The following ASIC5 variants were observed in gnomAD, a reference collection of about 807,000 sequenced individuals.
ASIC5 encodes the protein acid sensing ion channel subunit family member 5.
Under a neutral mutation model 51.2 loss-of-function variants are expected in ASIC5, and 52 were observed. The ratio of observed to expected loss-of-function variants is 1.02; its 90% CI spans 0.81 to 1.28. ASIC5 has a LOEUF of 1.28. Ranked by LOEUF, ASIC5 falls within the 50% of genes most tolerant of loss-of-function variation. The pLI is 0.00. For missense variants in ASIC5, 635 were observed against 595.0 expected (o/e 1.07, Z -0.70); for synonymous variants, 231 against 200.7 (o/e 1.15, Z -1.28).
At chr4:155,861,326 T>A (rs1741700409) in intron 2 of ASIC5, among the ~76,000 whole-genome samples, 1 of 151,960 alleles carries the variant, frequency 6.6e-6, no homozygotes, top group South Asian at 2.1e-4. Context: ...TTATTCTCTG[T>A]CAAGTTGTTC....
Position 155,836,830 on chromosome 4 carries a change from G to A in ASIC5, c.1094C>T (p.Thr365Ile), listed in dbSNP as rs774384899. The A allele has an allele frequency of 4.4e-6, 7 of 1,603,594 alleles. No homozygotes were observed. The East Asian group carries it at 1.3e-4, about 31-fold the overall frequency. The change falls in exon 8 of 10, where the codon ACA becomes ATA. Residue 365 changes from threonine to isoleucine, a missense_variant. Transcript: ENST00000537611. ...GCAGCTAGAGTTATGTGTTCCTACT[G>A]TACATAAATCCTTAAATTCAATGTG... is the stretch of plus-strand genomic sequence containing the variant. ...LDHIEFKDLCTVGTHNSSCPV... is the reference protein window; with the variant it reads ...LDHIEFKDLCIVGTHNSSCPV...
In ASIC5 at chr4:155,854,104, C is replaced by A; in HGVS notation, c.558G>T (p.Glu186Asp). 6.2e-7 allele frequency: 1 copy of A among 1,612,584 alleles called. No individual in the cohort carries two copies. Among genetic ancestry groups the A allele is most frequent in the Non-Finnish European group, 8.5e-7 (1 of 1,179,276 alleles). ...TTGGGCTACATGGCTTTCCAAAAAA[C>A]TCACAGTCCAACAAAGTGCTATTGT... ...YLNNSTLLDCEFFGKPCSPKD... is the reference protein window; with the variant it reads ...YLNNSTLLDCDFFGKPCSPKD... Residue 186 changes from glutamate to aspartate, a missense_variant, in exon 3 of 10, where the codon GAG (glutamate) becomes GAT (aspartate). Glu to Asp is a conservative substitution (Grantham distance 45). Coordinates refer to ENST00000537611, the MANE Select transcript of ASIC5 (RefSeq NM_017419.3).
chr4:155,859,277 T>A (rs994997977), intron 2 of ASIC5, among the ~76,000 whole-genome samples: 5 of 152,110 alleles, frequency 3.3e-5, no homozygotes, highest in Non-Finnish European at 5.9e-5. Context: ...CATTACTTTT[T>A]CTTATTTTTG....
At chr4:155,831,265 G>A (rs1442394620) in intron 9 of ASIC5, among the ~76,000 whole-genome samples, 1 of 152,072 alleles carries the variant, frequency 6.6e-6, no homozygotes, top group African/African-American at 2.4e-5. Flanking sequence ...GGGATCTAAT[G>A]GTAAAGTTTG....
chr4:155,855,603 T>G (rs1436471478), intron 2 of ASIC5, among the ~76,000 whole-genome samples: 1 of 151,640 alleles, frequency 6.6e-6, no homozygotes, highest in Non-Finnish European at 1.5e-5. Flanking sequence ...CCACTCTTGG[T>G]AAGTATATGG....
intron 4 of ASIC5, among the ~76,000 whole-genome samples, chr4:155,851,354 T>G (rs986375404): frequency 3.9e-5 from 6 of 151,996 alleles, no homozygotes; most frequent in African/African-American, 1.4e-4. Context: ...AAGAGTACAT[T>G]ACTGGAAATT....
At chr4:155,857,944 A>C (rs1192525004) in intron 2 of ASIC5, among the ~76,000 whole-genome samples, 1 of 152,124 alleles carries the variant, frequency 6.6e-6, no homozygotes, top group Non-Finnish European at 1.5e-5. Flanking sequence ...GCATCAAACA[A>C]ATTTGAAATA....
chr4:155,837,095 A>T (rs982839750), intron 7 of ASIC5, among the ~76,000 whole-genome samples: 2 of 152,112 alleles, frequency 1.3e-5, no homozygotes, highest in Non-Finnish European at 2.9e-5. Flanking sequence ...TCTTTATTGG[A>T]TTTAAGAAAT....
chr4:155,862,586 G>T (rs1339764519), intron 2 of ASIC5, among the ~76,000 whole-genome samples: 1 of 152,092 alleles, frequency 6.6e-6, no homozygotes, highest in Non-Finnish European at 1.5e-5. Flanking sequence ...GTGGAAAGTT[G>T]TCCTCCTCTT....
intron 2 of ASIC5, among the ~76,000 whole-genome samples, chr4:155,855,788 T>A (rs1194901551): frequency 6.6e-6 from 1 of 151,552 alleles, no homozygotes. Flanking sequence ...TAAAAGACAT[T>A]TTTTGACATA....
chr4:155,832,060 C>T lies in ASIC5; in HGVS notation c.1236-145G>A, dbSNP rs143771798. The T allele has an allele frequency of 7.1e-4, 358 of 504,604 alleles. 2 individuals are homozygous for T. The East Asian group carries it at 8.9e-3, about 13-fold the overall frequency. 31.3% of individuals were successfully genotyped at this position (504,604 alleles called of 1,614,324 possible). On this transcript the variant is annotated intron_variant, in intron 8 of 9. Transcript: ENST00000537611. ...AATTGTTAATATTAATCACAATTAG[C>T]AGGATGTAGAAGGCATTTTGTCATG...
chr4:155,845,516 A>G (rs947290304), intron 4 of ASIC5, among the ~76,000 whole-genome samples: 5 of 151,626 alleles, frequency 3.3e-5, no homozygotes, highest in African/African-American at 1.2e-4. Context: ...TGTAGTTAAG[A>G]CACTCAGAAA....
chr4:155,842,122 A>G, intron 6 of ASIC5, 85 bp downstream of exon 6: 1 of 1,257,466 alleles, frequency 8.0e-7, no homozygotes, highest in Non-Finnish European at 1.1e-6. Flanking sequence ...GTATTTCAAT[A>G]CTCTATTTCT....
intron 4 of ASIC5, among the ~76,000 whole-genome samples, chr4:155,851,137 C>T (rs1741372981): frequency 6.6e-6 from 1 of 151,934 alleles, no homozygotes; most frequent in African/African-American, 2.4e-5. Context: ...TGTAGATGTT[C>T]ATTGCATTCT....
chr4:155,831,311 C>T (rs1400534533), intron 9 of ASIC5, among the ~76,000 whole-genome samples: 1 of 152,076 alleles, frequency 6.6e-6, no homozygotes, highest in African/African-American at 2.4e-5. Flanking sequence ...CACCACCAGC[C>T]TTTTCTTTAT....
At chr4:155,857,112 G>T (rs1273868970) in intron 2 of ASIC5, among the ~76,000 whole-genome samples, 1 of 151,984 alleles carries the variant, frequency 6.6e-6, no homozygotes, top group Non-Finnish European at 1.5e-5. Flanking sequence ...GTTTTGCACT[G>T]AGTTTATTTT....
chr4:155,857,281 G>C (rs1409496734), intron 2 of ASIC5, among the ~76,000 whole-genome samples: 2 of 151,912 alleles, frequency 1.3e-5, no homozygotes, highest in East Asian at 3.9e-4. Context: ...ACACCACCAT[G>C]CCCAGCTAAT....
At chr4:155,835,267 C>T (rs1302966717) in intron 8 of ASIC5, among the ~76,000 whole-genome samples, 1 of 152,254 alleles carries the variant, frequency 6.6e-6, no homozygotes, top group Non-Finnish European at 1.5e-5. Context: ...CCAAAGCGCT[C>T]CCCCTGGCCT....
chr4:155,844,684 G>C (rs760238265), intron 4 of ASIC5, among the ~76,000 whole-genome samples: 2 of 151,878 alleles, frequency 1.3e-5, no homozygotes, highest in Non-Finnish European at 2.9e-5. Flanking sequence ...TAGCTCATGA[G>C]TATAGAATTT....
Sources: allele counts gnomAD v4.1 joint callset (sites outside exome capture counted in the v4.1 genomes callset), GRCh38; gene constraint gnomAD v4.1.1; transcripts MANE v1.5; gene names NCBI Gene and HGNC (gene_info 2026-07-23, HGNC 2026-07-21).